Variants in UQCC1 observed in about 807,000 individuals in gnomAD.
The protein encoded by UQCC1 is bFGF-repressed Zic-binding protein.
Under a neutral mutation model 48.0 loss-of-function variants are expected in UQCC1, and 38 were observed. That is an observed-to-expected ratio of 0.79 (90% confidence interval 0.61 to 1.04). The LOEUF is 1.04. Ranked by LOEUF, UQCC1 falls within the 50% of genes least tolerant of loss-of-function variation. The pLI is 0.00. For synonymous variants in UQCC1, 111 were observed against 129.2 expected (o/e 0.86, Z 0.95); for missense variants, 368 against 381.8 (o/e 0.96, Z 0.30).
chr20:35,336,523 T>G (rs1454624410), intron 7 of UQCC1, among the ~76,000 whole-genome samples: 1 of 152,042 alleles, frequency 6.6e-6, no homozygotes, highest in Non-Finnish European at 1.5e-5. Flanking sequence ...GAAATTGCAG[T>G]GATGCAGCCA....
At chr20:35,314,808 A>AGAAT (rs1297713774) in intron 7 of UQCC1, 43 bp from the exon 8 acceptor site, 1 of 1,532,140 alleles carries the variant, frequency 6.5e-7, no homozygotes, top group Non-Finnish European at 8.9e-7. Flanking sequence ...AAAGAAAGAA[A>AGAAT]GAAAAAAACC....
chr20:35,331,506 C>T (rs1164117379), intron 7 of UQCC1, among the ~76,000 whole-genome samples: 2 of 151,926 alleles, frequency 1.3e-5, no homozygotes, highest in Non-Finnish European at 2.9e-5. Flanking sequence ...TTCCCAAGAA[C>T]AGCAAAAACA....
chr20:35,408,963 T>G (rs1439587077), intron 1 of UQCC1, among the ~76,000 whole-genome samples: 3 of 152,156 alleles, frequency 2.0e-5, no homozygotes, highest in Non-Finnish European at 2.9e-5. Context: ...TACTGTATGA[T>G]TCCACTTATA....
intron 6 of UQCC1, among the ~76,000 whole-genome samples, chr20:35,365,513 T>C (rs138100238): frequency 6.6e-6 from 1 of 151,834 alleles, no homozygotes; most frequent in Non-Finnish European, 1.5e-5. Flanking sequence ...AAAAATCATA[T>C]GGGCGTGGTG....
intron 6 of UQCC1, among the ~76,000 whole-genome samples, chr20:35,353,373 G>C (rs1218885304): frequency 2.7e-5 from 4 of 148,712 alleles, no homozygotes; most frequent in African/African-American, 7.5e-5. Flanking sequence ...TCCAGCCTGG[G>C]CAACAGAGCA....
chr20:35,305,042 AAC>A (rs1471364803), intron 9 of UQCC1, among the ~76,000 whole-genome samples: 1 of 152,088 alleles, frequency 6.6e-6, no homozygotes, highest in African/African-American at 2.4e-5. Context: ...GGCCACACCA[AAC>A]AGTCTGCTCA....
At chr20:35,405,647 G>A (rs2062240485) in intron 1 of UQCC1, among the ~76,000 whole-genome samples, 1 of 152,206 alleles carries the variant, frequency 6.6e-6, no homozygotes, top group African/African-American at 2.4e-5. Flanking sequence ...CAGCACTTTG[G>A]GAGGCCAAGG....
chr20:35,359,830 T>C (rs1181936113), intron 6 of UQCC1, among the ~76,000 whole-genome samples: 2 of 152,202 alleles, frequency 1.3e-5, no homozygotes, highest in Non-Finnish European at 2.9e-5. Context: ...AATGAGTTTA[T>C]TGATCTGTAA....
chr20:35,382,710 C>T (rs2061890401), intron 3 of UQCC1, among the ~76,000 whole-genome samples: 1 of 151,554 alleles, frequency 6.6e-6, no homozygotes. Flanking sequence ...TGGAGTTTCA[C>T]CGTGTTAGCC....
intron 2 of UQCC1, among the ~76,000 whole-genome samples, chr20:35,391,217 G>T (rs2062010725): frequency 6.6e-6 from 1 of 151,200 alleles, no homozygotes; most frequent in Non-Finnish European, 1.5e-5. Context: ...AAAAATAAAA[G>T]AAAATAAAGA....
chr20:35,401,767 T>TTC lies in UQCC1; in HGVS notation c.25-7573_25-7572dup, dbSNP rs561302480. Among the ~76,000 whole-genome samples the TTC allele has an allele frequency of 7.0e-4, 105 of 150,694 alleles. No homozygotes were observed. The East Asian group carries it at 0.015, about 22-fold the overall frequency. ...ACCTCTGCCTCCTGGGTTCAAGTGATTCTCCTGCCTCAGCCTCCCGAGCAG... is the reference window on the plus strand; with the variant it reads ...ACCTCTGCCTCCTGGGTTCAAGTGATTCTCTCCTGCCTCAGCCTCCCGAGCAG... On this transcript the variant is annotated intron_variant, in intron 1 of 9. Transcript: ENST00000374385.
In UQCC1 at chr20:35,326,748, C is replaced by T. The variant is rs556220800; in HGVS notation, c.574-11983G>A. Among the ~76,000 whole-genome samples the T allele has an allele frequency of 6.6e-5, 10 of 152,282 alleles. No homozygotes were observed. In the South Asian group the frequency reaches 1.2e-3, roughly 19 times the overall value. On this transcript the variant is annotated intron_variant, in intron 7 of 9. Coordinates refer to ENST00000374385, the MANE Select transcript of UQCC1 (RefSeq NM_018244.5). ...TGAGCCTCATGACTGCATTTATGAG[C>T]GCAGAAAAGCTGCAGGCACTACTTG...
intron 7 of UQCC1, among the ~76,000 whole-genome samples, chr20:35,339,825 A>C (rs1312947638): frequency 6.6e-6 from 1 of 152,134 alleles, no homozygotes; most frequent in African/African-American, 2.4e-5. Context: ...GTTGCAAAAG[A>C]TTCAGCATTT....
chr20:35,360,322 T>C (rs1248375481), intron 6 of UQCC1, among the ~76,000 whole-genome samples: 1 of 152,036 alleles, frequency 6.6e-6, no homozygotes, highest in Non-Finnish European at 1.5e-5. Context: ...GCTGTGGTGG[T>C]TTTAAAGAGC....
intron 1 of UQCC1, among the ~76,000 whole-genome samples, chr20:35,411,135 A>C (rs1568722932): frequency 6.6e-6 from 1 of 152,106 alleles, no homozygotes; most frequent in South Asian, 2.1e-4. Flanking sequence ...ACACTCTCCC[A>C]TCCCTCCATG....
At chr20:35,365,472 T>C (rs143573045) in intron 6 of UQCC1, among the ~76,000 whole-genome samples, 1,613 of 152,112 alleles carry the variant, frequency 0.011, 30 homozygotes, top group African/African-American at 0.037. Context: ...CTGGCCAAGA[T>C]GGTGAAACCC....
At chr20:35,410,716 A>AAAAAAAAAAAAAAAAAAAAAAAC (rs1370852913) in intron 1 of UQCC1, among the ~76,000 whole-genome samples, 14 of 108,764 alleles carry the variant, frequency 1.3e-4, no homozygotes, top group Non-Finnish European at 2.0e-4. Flanking sequence ...AAAAAAAAAA[A>AAAAAAAAAAAAAAAAAAAAAAAC]AAAAAAAACA....
At chr20:35,407,389 C>T (rs535271173) in intron 1 of UQCC1, among the ~76,000 whole-genome samples, 1 of 151,460 alleles carries the variant, frequency 6.6e-6, no homozygotes, top group East Asian at 1.9e-4. Flanking sequence ...GATTGTGCCA[C>T]TGCACTCTAG....
intron 8 of UQCC1, among the ~76,000 whole-genome samples, chr20:35,313,829 A>G (rs1026418501): frequency 1.3e-5 from 2 of 151,880 alleles, no homozygotes; most frequent in Admixed American, 1.3e-4. Flanking sequence ...GCTGATCTCA[A>G]ACTCCTGACC....
Sources: allele counts gnomAD v4.1 joint callset (sites outside exome capture counted in the v4.1 genomes callset), GRCh38; gene constraint gnomAD v4.1.1; transcripts MANE v1.5; gene names NCBI Gene and HGNC (gene_info 2026-07-23, HGNC 2026-07-21).